The following HKDC1 variants were observed in gnomAD, a reference collection of about 807,000 sequenced individuals.
HKDC1 encodes hexokinase domain containing 1, also known as hexokinase HKDC1.
In HKDC1, 66 loss-of-function variants were observed where a neutral mutation model predicts 96.6. The observed-to-expected ratio is 0.68, with a 90% CI of 0.56 to 0.84. HKDC1 has a LOEUF of 0.84. Ranked by LOEUF, HKDC1 falls within the 40% of genes least tolerant of loss-of-function variation. The probability of loss-of-function intolerance (pLI) is 0.00; values close to 1 mark genes in which losing one functional copy is unlikely to be tolerated. For missense variants in HKDC1, 1,211 were observed against 1,208.1 expected (o/e 1.00, Z -0.04); for synonymous variants, 466 against 473.1 (o/e 0.98, Z 0.20).
chr10:69,263,009 T>C (rs564583438), intron 16 of HKDC1, among the ~76,000 whole-genome samples: 1 of 152,278 alleles, frequency 6.6e-6, no homozygotes, highest in East Asian at 1.9e-4. Flanking sequence ...GATTTGCTTC[T>C]GCTGCACAAG....
intron 2 of HKDC1, 161 bp from the exon 3 acceptor site, chr10:69,232,603 C>T: frequency 1.5e-6 from 1 of 684,368 alleles, no homozygotes. Context: ...ACCTCGAGGG[C>T]TCTGAGAAAT....
intron 4 of HKDC1, among the ~76,000 whole-genome samples, chr10:69,236,685 CAGG>C (rs1326804478): frequency 2.0e-5 from 3 of 151,114 alleles, no homozygotes; most frequent in Non-Finnish European, 4.4e-5. Flanking sequence ...GAGGCTGAGG[CAGG>C]AGAATTGCTT....
chr10:69,222,237 A>G (rs1039119409), intron 1 of HKDC1, among the ~76,000 whole-genome samples: 1 of 152,182 alleles, frequency 6.6e-6, no homozygotes, highest in Non-Finnish European at 1.5e-5. Flanking sequence ...AAAACAAAGA[A>G]AGAGAGAGAG....
chr10:69,244,085 A>C (rs1205548781), intron 7 of HKDC1, among the ~76,000 whole-genome samples: 1 of 151,962 alleles, frequency 6.6e-6, no homozygotes, highest in African/African-American at 2.4e-5. Context: ...AGGCCTAATC[A>C]CTCAGCAAGT....
At chr10:69,261,087 TG>T in intron 15 of HKDC1, 51 bp from the exon 16 acceptor site, 2 of 1,552,212 alleles carry the variant, frequency 1.3e-6, no homozygotes, top group Non-Finnish European at 1.8e-6. Context: ...TCACATCATG[TG>T]GTCTTCTGCA....
chr10:69,265,850 G>T (rs1284547045), intron 17 of HKDC1, 32 bp downstream of exon 17: 6 of 1,494,278 alleles, frequency 4.0e-6, no homozygotes, highest in East Asian at 2.3e-5. Context: ...GGCGGGTGGG[G>T]CTGGGGAGGG....
At position 69,265,802 on chromosome 10, in the gene HKDC1, T is replaced by G; in HGVS notation, c.2590T>G (p.Tyr864Asp). ...RITVGVDGTL[Y>D]KLHPHFSRIL... ...CACTGTGGGTGTGGACGGCACCCTG[T>G]ACAAGCTGCACCCTCAGTGAGTGCC... Residue 864 changes from tyrosine to aspartate, a missense_variant, in exon 17 of 18, where the codon TAC becomes GAC. By Grantham distance (160) the Tyr-to-Asp change is radical (BLOSUM62 -3). Coordinates refer to ENST00000354624, the MANE Select transcript of HKDC1 (RefSeq NM_025130.4). The G allele has an allele frequency of 2.5e-6, 4 of 1,603,996 alleles. No homozygotes were observed. Among genetic ancestry groups the G allele is most frequent in the Non-Finnish European group, 3.4e-6 (4 of 1,174,046 alleles).
chr10:69,239,140 G>A lies in HKDC1; in HGVS notation c.591+3G>A. 6.2e-7 allele frequency: 1 copy of A among 1,612,080 alleles called. No individual in the cohort carries two copies. ...CCAAAGCCATGAGAAGACACAAGGT[G>A]AGGAATTCACCTCGGTGTGGGAGGC... On this transcript the variant is annotated splice_donor_region_variant and intron_variant, in intron 5 of 17. Transcript: ENST00000354624.
chr10:69,256,172 T>C (rs1350895811), intron 12 of HKDC1, among the ~76,000 whole-genome samples: 1 of 152,180 alleles, frequency 6.6e-6, no homozygotes, highest in Admixed American at 6.5e-5. Context: ...TCACTATCTG[T>C]ATTTGTTTGA....
At chr10:69,237,299 G>C (rs937040169) in intron 4 of HKDC1, among the ~76,000 whole-genome samples, 3 of 151,654 alleles carry the variant, frequency 2.0e-5, no homozygotes, top group African/African-American at 7.3e-5. Flanking sequence ...GTGTGTGTGT[G>C]TGTGTGTGTG....
rs115299982 is a variant in HKDC1, at chr10:69,259,924, G to A, written c.2216+965G>A. Among the ~76,000 whole-genome samples, 596 of 152,192 alleles carry A rather than the reference G, an allele frequency of 3.9e-3. 1 individual carries two copies. The highest frequency in any genetic ancestry group is 0.013 in the African/African-American group (559 of 41,504). On this transcript the variant is annotated intron_variant, in intron 15 of 17. Transcript: ENST00000354624. ...GTAATTCAACATGAGATTTTGGTGG[G>A]GACATAAATCCAAATCATATCACAT... is the stretch of plus-strand genomic sequence containing the variant.
Position 69,265,619 on chromosome 10 carries a change from C to G in HKDC1, c.2407C>G (p.Leu803Val). ...RLALLQVRRI[L>V]QQLGLDSTCE... ...GGCCCTTCTCCAGGTCAGGAGGATTCTGCAGCAGCTGGGCCTGGACAGCAC... is the reference window on the plus strand; with the variant it reads ...GGCCCTTCTCCAGGTCAGGAGGATTGTGCAGCAGCTGGGCCTGGACAGCAC... The change falls in exon 17 of 18, where the codon CTG becomes GTG. Residue 803 changes from leucine to valine, a missense_variant. By Grantham distance (32) the Leu-to-Val change is conservative (BLOSUM62 1). Coordinates refer to ENST00000354624, the MANE Select transcript of HKDC1 (RefSeq NM_025130.4). 1 of 1,613,858 alleles carries G rather than the reference C, an allele frequency of 6.2e-7. No homozygotes were observed. The highest frequency in any genetic ancestry group is 8.5e-7 in the Non-Finnish European group (1 of 1,179,964).
intron 6 of HKDC1, among the ~76,000 whole-genome samples, chr10:69,241,638 C>T (rs1048726755): frequency 1.3e-5 from 2 of 152,142 alleles, no homozygotes; most frequent in African/African-American, 4.8e-5. Context: ...TGCCCACCAC[C>T]ACGGCTGGCC....
chr10:69,233,695 G>A (rs1348467077), intron 4 of HKDC1, among the ~76,000 whole-genome samples: 2 of 151,826 alleles, frequency 1.3e-5, no homozygotes, highest in Non-Finnish European at 1.5e-5. Flanking sequence ...TCAGGAGATC[G>A]AGACCATCCT....
chr10:69,231,466 G>A (rs969672234), intron 2 of HKDC1, among the ~76,000 whole-genome samples: 13 of 151,986 alleles, frequency 8.6e-5, no homozygotes, highest in South Asian at 4.1e-4. Flanking sequence ...TCCTTTGCCC[G>A]TGGTTCCTCT....
At chr10:69,240,793 G>T (rs1255264326) in intron 6 of HKDC1, 42 bp downstream of exon 6, 1 of 1,457,340 alleles carries the variant, frequency 6.9e-7, no homozygotes, top group Admixed American at 1.7e-5. Flanking sequence ...GGGGAGAAGG[G>T]ACTGTTTGGG....
rs954436860 is a variant in HKDC1 at position 69,249,009 on chromosome 10, C to G, written c.1570+281C>G. 7 of 296,748 alleles carry G rather than the reference C, an allele frequency of 2.4e-5. 1 individual carries two copies. Among genetic ancestry groups the G allele is most frequent in the East Asian group, 6.0e-5 (1 of 16,636 alleles). The allele number at this position is 296,748 out of a possible 1,614,324, so 18.4% of individuals were successfully genotyped here. On this transcript the variant is annotated intron_variant, in intron 10 of 17. Transcript: ENST00000354624. ...TGTAGATGAGAACATGAGTGTACCC[C>G]CCCCGACCCCCAGATCCTGACCCCA...
At chr10:69,229,904 C>T (rs1033348746) in intron 2 of HKDC1, among the ~76,000 whole-genome samples, 10 of 152,160 alleles carry the variant, frequency 6.6e-5, no homozygotes, top group Admixed American at 3.3e-4. Context: ...ATGTGGATGG[C>T]GTGCTTTAAC....
At chr10:69,245,989 C>G in intron 7 of HKDC1, 90 bp from the exon 8 acceptor site, 1 of 1,508,726 alleles carries the variant, frequency 6.6e-7, no homozygotes. Context: ...CCCATGTGCT[C>G]CTTCCTGTGG....
Sources: gnomAD v4.1 joint callset for allele counts (sites outside exome capture counted in the v4.1 genomes callset) on GRCh38, gnomAD v4.1.1 for gene constraint, MANE v1.5 for transcripts, NCBI Gene and HGNC (gene_info 2026-07-23, HGNC 2026-07-21) for gene names.